Variants in AP1S3 observed in about 807,000 individuals in gnomAD.
AP1S3 encodes the protein AP-1 complex subunit sigma-3.
AP1S3 carries 10 observed loss-of-function variants against 20.9 expected under a neutral mutation model. That is an observed-to-expected ratio of 0.48 (90% CI 0.29 to 0.81). The LOEUF (loss-of-function observed/expected upper bound fraction) is 0.81. Among genes scored for constraint, AP1S3 ranks in the 30% least tolerant of loss-of-function variants. The pLI, the probability that AP1S3 is intolerant of heterozygous loss-of-function variation, is 0.08. For missense variants in AP1S3, 154 were observed against 183.8 expected, an observed-to-expected ratio of 0.84 and a Z score of 0.94; for synonymous variants, 41 against 61.5, an observed-to-expected ratio of 0.67 and a Z score of 1.56.
At chr2:223,828,297 T>TC (rs1355721261) in intron 1 of AP1S3, among the ~76,000 whole-genome samples, 1 of 141,912 alleles carries the variant, frequency 7.0e-6, no homozygotes, top group Non-Finnish European at 1.6e-5. Flanking sequence ...CTCTCTCTCT[T>TC]TTTTTTTTTT....
chr2:223,786,483 G>A (rs189809384), intron 1 of AP1S3, among the ~76,000 whole-genome samples: 131 of 152,184 alleles, frequency 8.6e-4, no homozygotes, highest in Non-Finnish European at 1.6e-3. Context: ...TCCAGGGATG[G>A]TGACTCCTGC....
chr2:223,805,753 A>T (rs1453050105), intron 1 of AP1S3, among the ~76,000 whole-genome samples: 1 of 152,190 alleles, frequency 6.6e-6, no homozygotes, highest in Non-Finnish European at 1.5e-5. Context: ...TTGAAGTTTC[A>T]GTGAGTTTGG....
At position 223,765,204 on chromosome 2, in the gene AP1S3, C is replaced by T. The variant is rs369023837; in HGVS notation, c.429+9G>A. The stretch of plus-strand genomic sequence containing the variant: ...ATCTTTCTCCCATGGTTTGGGAAAC[C>T]GTACTGACCTCCTGTAACATATCAG... On this transcript the variant is annotated intron_variant, in intron 4 of 4. Transcript: ENST00000396654. The T allele has an allele frequency of 1.4e-5, 22 of 1,608,812 alleles. No individual in the cohort carries two copies. The Admixed American group carries it at 1.5e-4, about 11-fold the overall frequency.
chr2:223,780,353 A>AGTGTGTGTGTGT (rs1559280869), intron 1 of AP1S3, among the ~76,000 whole-genome samples: 12 of 58,580 alleles, frequency 2.0e-4, no homozygotes, highest in East Asian at 7.2e-4. Flanking sequence ...AGAGAGAGAG[A>AGTGTGTGTGTGT]GAGAGTGTGT....
At chr2:223,832,807 CTTT>C (rs66947467) in intron 1 of AP1S3, among the ~76,000 whole-genome samples, 176 of 129,924 alleles carry the variant, frequency 1.4e-3, no homozygotes, top group Non-Finnish European at 1.9e-3. Context: ...TTTCTTTTTT[CTTT>C]TTTTTTTTTT....
chr2:223,764,558 T>A (rs1690432843), intron 4 of AP1S3, among the ~76,000 whole-genome samples: 1 of 152,100 alleles, frequency 6.6e-6, no homozygotes, highest in Non-Finnish European at 1.5e-5. Flanking sequence ...AATGGATGCT[T>A]CTGGGCCCAT....
chr2:223,758,803 G>A (rs190326614), intron 4 of AP1S3, 53 bp from the exon 5 acceptor site: 57 of 1,477,410 alleles, frequency 3.9e-5, no homozygotes, highest in East Asian at 4.6e-5. Flanking sequence ...ACAGCCTTCC[G>A]CAGACTGTGA....
chr2:223,826,643 T>C (rs75964215), intron 1 of AP1S3, among the ~76,000 whole-genome samples: 5 of 152,026 alleles, frequency 3.3e-5, no homozygotes, highest in Non-Finnish European at 5.9e-5. Context: ...TCATATTTCA[T>C]AGAGATGCTT....
intron 3 of AP1S3, chr2:223,773,397 T>G: frequency 7.7e-7 from 1 of 1,295,492 alleles, no homozygotes; most frequent in Non-Finnish European, 1.0e-6. Flanking sequence ...AGAATTCATT[T>G]GAATAGTAGA....
chr2:223,779,895 A>C (rs1370361385), intron 1 of AP1S3, among the ~76,000 whole-genome samples: 1 of 152,112 alleles, frequency 6.6e-6, no homozygotes, highest in African/African-American at 2.4e-5. Flanking sequence ...TGAATCCAGG[A>C]GGCAGAGGTT....
chr2:223,759,686 G>T (rs1690305961), intron 4 of AP1S3, among the ~76,000 whole-genome samples: 1 of 152,072 alleles, frequency 6.6e-6, no homozygotes, highest in African/African-American at 2.4e-5. Flanking sequence ...TGTATCATGG[G>T]GATTTGTTAT....
chr2:223,795,826 ATAGTG>A (rs1483448923), intron 1 of AP1S3, among the ~76,000 whole-genome samples: 1 of 152,192 alleles, frequency 6.6e-6, no homozygotes, highest in East Asian at 1.9e-4. Flanking sequence ...GTCAACCTCT[ATAGTG>A]TAGAGTCCAG....
rs1474822266 is a variant in AP1S3 at position 223,756,588 on chromosome 2, G to T, written c.*2127C>A. 1 of 985,258 alleles carries T rather than the reference G, an allele frequency of 1.0e-6. No homozygotes were observed. The highest frequency in any genetic ancestry group is 1.2e-6 in the Non-Finnish European group (1 of 829,894). 61.0% of individuals were successfully genotyped at this position (985,258 alleles called of 1,614,324 possible). ...AATCATACATGATAAACTTCAAGCT[G>T]ATGCCATAATTGTAATTACATGGTA... On this transcript the variant is annotated 3_prime_UTR_variant, in exon 5 of 5. Transcript: ENST00000396654.
At chr2:223,763,273 C>T (rs551612544) in intron 4 of AP1S3, among the ~76,000 whole-genome samples, 5 of 152,236 alleles carry the variant, frequency 3.3e-5, no homozygotes, top group Non-Finnish European at 5.9e-5. Flanking sequence ...AAAGAGCTCA[C>T]TCTTGAAACA....
chr2:223,810,804 A>G (rs1691706143), intron 1 of AP1S3, among the ~76,000 whole-genome samples: 1 of 152,168 alleles, frequency 6.6e-6, no homozygotes, highest in Non-Finnish European at 1.5e-5. Context: ...AACTCCTAAT[A>G]AAGTAGGTAG....
intron 3 of AP1S3, among the ~76,000 whole-genome samples, chr2:223,770,497 TACACACACAC>T (rs58486635): frequency 5.6e-5 from 8 of 141,640 alleles, no homozygotes; most frequent in Non-Finnish European, 6.1e-5. Context: ...AGAGAGACAA[TACACACACAC>T]ACACACACAC....
chr2:223,777,575 C>T (rs1357527916), intron 2 of AP1S3, 116 bp downstream of exon 2: 2 of 913,624 alleles, frequency 2.2e-6, no homozygotes, highest in East Asian at 2.7e-5. Context: ...ATATCTGGGC[C>T]CCAGCCTTCA....
chr2:223,825,080 C>G (rs901999902), intron 1 of AP1S3, among the ~76,000 whole-genome samples: 3 of 151,662 alleles, frequency 2.0e-5, no homozygotes, highest in African/African-American at 7.3e-5. Context: ...GAGGCTGAGG[C>G]GGGCGGAGCA....
intron 1 of AP1S3, among the ~76,000 whole-genome samples, chr2:223,800,719 C>G (rs138543129): frequency 1.8e-4 from 28 of 152,284 alleles, no homozygotes; most frequent in East Asian, 1.3e-3. Context: ...CAAAAAACTA[C>G]AATTAACATT....
Sources: allele counts gnomAD v4.1 joint callset (sites outside exome capture counted in the v4.1 genomes callset), GRCh38; gene constraint gnomAD v4.1.1; transcripts MANE v1.5; gene names NCBI Gene and HGNC (gene_info 2026-07-23, HGNC 2026-07-21).